The following KAT14 variants were observed in gnomAD, a reference collection of about 807,000 sequenced individuals.
The protein encoded by KAT14 is cysteine-rich protein 2-binding protein.
Under a neutral mutation model 78.4 loss-of-function variants are expected in KAT14, and 66 were observed. That is an observed-to-expected ratio of 0.84 (90% CI 0.69 to 1.03). The LOEUF (loss-of-function observed/expected upper bound fraction) is 1.03. Among genes scored for constraint, KAT14 ranks in the 50% least tolerant of loss-of-function variants. The pLI is 0.00. For synonymous variants in KAT14, 344 were observed against 359.4 expected, an observed-to-expected ratio of 0.96 and a Z score of 0.48; for missense variants, 870 against 972.5, an observed-to-expected ratio of 0.89 and a Z score of 1.40.
At chr20:18,180,344 C>A (rs978985454) in intron 7 of KAT14, among the ~76,000 whole-genome samples, 7 of 152,224 alleles carry the variant, frequency 4.6e-5, no homozygotes, top group African/African-American at 1.7e-4. Context: ...TCCTCATCTC[C>A]ATCTGAGACC....
At chr20:18,137,325 T>C (rs2037338238), upstream of KAT14, among the ~76,000 whole-genome samples, 1 of 152,044 alleles carries the variant, frequency 6.6e-6, no homozygotes, top group Admixed American at 6.6e-5. Flanking sequence ...AATCCGAGCC[T>C]GACCAGTCGC....
chr20:18,159,240 G>T lies in KAT14; in HGVS notation c.657G>T (p.Leu219Phe), dbSNP rs750880993. The part of the protein sequence containing the change: ...PPTMKPEGEK[L>F]SASTLKIKAS... ...CGATGAAACCTGAAGGAGAGAAGTTGTCTGCCTCTACTTTGAAAATAAAAG... is the reference window on the plus strand; with the variant it reads ...CGATGAAACCTGAAGGAGAGAAGTTTTCTGCCTCTACTTTGAAAATAAAAG... The change falls in exon 5 of 11, where the codon TTG becomes TTT. Residue 219 changes from leucine to phenylalanine, a missense_variant. By Grantham distance (22) the Leu-to-Phe change is conservative. Transcript: ENST00000688188. The T allele has an allele frequency of 6.2e-7, 1 of 1,613,986 alleles. No individual in the cohort carries two copies. The highest frequency in any genetic ancestry group is 8.5e-7 in the Non-Finnish European group (1 of 1,179,984).
chr20:18,145,380 T>C (rs758233494), intron 3 of KAT14, 29 bp downstream of exon 3: 3 of 1,612,718 alleles, frequency 1.9e-6, no homozygotes, highest in Admixed American at 1.7e-5. Context: ...CCCAAATCCA[T>C]GAGGGTGGTT....
intron 4 of KAT14, among the ~76,000 whole-genome samples, chr20:18,155,981 C>G (rs1180895375): frequency 6.6e-6 from 1 of 152,178 alleles, no homozygotes; most frequent in Admixed American, 6.5e-5. Context: ...GATGTGGAAG[C>G]AACCAAAGTG....
upstream of KAT14, among the ~76,000 whole-genome samples, chr20:18,137,294 T>TATA (rs71194227): frequency 0.38 from 56,448 of 150,002 alleles, 11,463 homozygotes; most frequent in African/African-American, 0.5. Flanking sequence ...GTATCAAAAT[T>TATA]ATAATAATAA....
In KAT14 at chr20:18,162,618, G is replaced by A. The variant is rs138969626; in HGVS notation, c.1341G>A (p.Gln447=). 28 of 1,614,060 alleles carry A rather than the reference G, an allele frequency of 1.7e-5. No individual in the cohort carries two copies. In the African/African-American group the frequency reaches 3.6e-4, roughly 21 times the overall value. ...GGGCTAGAGAAAAGAGGAAGCCTCAGCTGGAGAAGGACACAAAGCCGAAAG... is the reference window on the plus strand; with the variant it reads ...GGGCTAGAGAAAAGAGGAAGCCTCAACTGGAGAAGGACACAAAGCCGAAAG... ...QTRAREKRKP[Q]LEKDTKPKEP... Residue 447 remains glutamine, a synonymous_variant, in exon 7 of 11, where the codon CAG becomes CAA. Coordinates refer to ENST00000688188, the MANE Select transcript of KAT14 (RefSeq NM_001392073.1).
rs1325007673 is a variant in KAT14, at chr20:18,187,450, C to G, written c.2337C>G (p.Leu779=). 6.2e-7 allele frequency: 1 copy of G among 1,613,988 alleles called. No homozygotes were observed. The highest frequency in any genetic ancestry group is 1.7e-5 in the Admixed American group (1 of 59,996). Residue 779 remains leucine (L), a synonymous_variant, in exon 11 of 11, where the codon CTC becomes CTG. Transcript: ENST00000688188. ...GTAAACACGCATTCTTTCTGAGGCTCCGGCGCTGATGCGAATACAGCTCAC... is the reference window on the plus strand; with the variant it reads ...GTAAACACGCATTCTTTCTGAGGCTGCGGCGCTGATGCGAATACAGCTCAC... ...TECKHAFFLR[L]RR
intron 2 of KAT14, among the ~76,000 whole-genome samples, chr20:18,144,158 A>G (rs1270898829): frequency 6.6e-6 from 1 of 152,254 alleles, no homozygotes; most frequent in Non-Finnish European, 1.5e-5. Flanking sequence ...TTTTTCTTAA[A>G]ATGGGTTCAA....
At position 18,167,746 on chromosome 20, in the gene KAT14, A is replaced by G. The variant is rs1229611204; in HGVS notation, c.1668+4801A>G. 1.1e-4 allele frequency among the ~76,000 whole-genome samples: 17 copies of G among 152,282 alleles called. No individual in the cohort carries two copies. The South Asian group carries it at 3.3e-3, about 30-fold the overall frequency. On this transcript the variant is annotated intron_variant, in intron 7 of 10. Coordinates refer to ENST00000688188, the MANE Select transcript of KAT14 (RefSeq NM_001392073.1). ...TTGATGTGATTTCTAATGTTGTATTATGATCAGAGAAAATAGTTTATGTGA... is the reference window on the plus strand; with the variant it reads ...TTGATGTGATTTCTAATGTTGTATTGTGATCAGAGAAAATAGTTTATGTGA...
chr20:18,161,341 C>T (rs1024661410), intron 5 of KAT14, among the ~76,000 whole-genome samples: 18 of 152,104 alleles, frequency 1.2e-4, no homozygotes, highest in African/African-American at 2.4e-5. Flanking sequence ...GAGGCGTGCA[C>T]CACCACGCCT....
Position 18,162,653 on chromosome 20 carries a change from A to T in KAT14, c.1376A>T (p.Tyr459Phe). Residue 459 changes from tyrosine (Y) to phenylalanine (F), a missense_variant, in exon 7 of 11, where the codon TAT (tyrosine) becomes TTT (phenylalanine). Transcript: ENST00000688188. The part of the protein sequence containing the change: ...EKDTKPKEPR[Y>F]TPVSIYEEKL... Reference sequence around the variant, plus strand: ...GACACAAAGCCGAAAGAGCCCAGGTATACTCCCGTGAGCATCTACGAGGAA... The same window carrying T: ...GACACAAAGCCGAAAGAGCCCAGGTTTACTCCCGTGAGCATCTACGAGGAA... The T allele has an allele frequency of 6.2e-7, 1 of 1,614,206 alleles. No homozygotes were observed. Among genetic ancestry groups the T allele is most frequent in the Non-Finnish European group, 8.5e-7 (1 of 1,180,036 alleles).
chr20:18,157,745 T>C (rs957104481), intron 4 of KAT14, among the ~76,000 whole-genome samples: 1 of 152,248 alleles, frequency 6.6e-6, no homozygotes, highest in African/African-American at 2.4e-5. Context: ...TTAGCATAAG[T>C]GTCCTCAAGG....
intron 1 of KAT14, 187 bp downstream of exon 1, chr20:18,138,238 C>T: frequency 8.0e-7 from 1 of 1,247,684 alleles, no homozygotes; most frequent in Non-Finnish European, 1.0e-6. Flanking sequence ...GGCGCTGCAG[C>T]TCCCGGCGGG....
chr20:18,165,228 TACTG>T (rs1442485295), intron 7 of KAT14, among the ~76,000 whole-genome samples: 1 of 151,584 alleles, frequency 6.6e-6, no homozygotes, highest in African/African-American at 2.4e-5. Flanking sequence ...TTTAAAAAAA[TACTG>T]AGTAGCAAGC....
At chr20:18,152,040 A>G (rs1316424403) in intron 4 of KAT14, among the ~76,000 whole-genome samples, 1 of 152,068 alleles carries the variant, frequency 6.6e-6, no homozygotes, top group Non-Finnish European at 1.5e-5. Flanking sequence ...TCAACTGAAC[A>G]TGACGTTTTT....
chr20:18,169,362 T>G (rs2038769241), intron 7 of KAT14, among the ~76,000 whole-genome samples: 1 of 152,232 alleles, frequency 6.6e-6, no homozygotes. Context: ...GTTGGCACCA[T>G]TTTTCTAGTA....
intron 7 of KAT14, among the ~76,000 whole-genome samples, chr20:18,178,117 A>AAC (rs1555803985): frequency 2.0e-5 from 3 of 151,418 alleles, no homozygotes; most frequent in Non-Finnish European, 4.4e-5. Context: ...CAAAAAAAAA[A>AAC]CAAAAAACAA....
chr20:18,171,554 G>C (rs532300703), intron 7 of KAT14, among the ~76,000 whole-genome samples: 1 of 152,370 alleles, frequency 6.6e-6, no homozygotes, highest in South Asian at 2.1e-4. Context: ...GCTCACGCCT[G>C]TAATCCCAGC....
At chr20:18,172,827 G>C (rs757201138) in intron 7 of KAT14, among the ~76,000 whole-genome samples, 3 of 152,114 alleles carry the variant, frequency 2.0e-5, no homozygotes, top group Non-Finnish European at 4.4e-5. Flanking sequence ...TGATGTTCTG[G>C]GTAAGAGGAG....
Sources: gnomAD v4.1 joint callset for allele counts (sites outside exome capture counted in the v4.1 genomes callset) on GRCh38, gnomAD v4.1.1 for gene constraint, MANE v1.5 for transcripts, NCBI Gene and HGNC (gene_info 2026-07-23, HGNC 2026-07-21) for gene names.